Variants in CCDC57 observed in about 807,000 individuals in gnomAD.
CCDC57 encodes the protein coiled-coil domain containing 57.
Under a neutral mutation model 118.9 loss-of-function variants are expected in CCDC57, and 118 were observed. The ratio of observed to expected loss-of-function variants is 0.99; its 90% confidence interval spans 0.86 to 1.16. The LOEUF (loss-of-function observed/expected upper bound fraction) is 1.16. Ranked by LOEUF, CCDC57 falls within the 50% of genes most tolerant of loss-of-function variation. The pLI is 0.00. For synonymous variants in CCDC57, 527 were observed against 532.9 expected (o/e 0.99, Z 0.15); for missense variants, 1,300 against 1,320.7 (o/e 0.98, Z 0.24).
intron 8 of CCDC57, among the ~76,000 whole-genome samples, chr17:82,187,236 C>CAAAAAA (rs61100137): frequency 3.2e-5 from 2 of 62,990 alleles, no homozygotes; most frequent in African/African-American, 6.7e-5. Context: ...GACTCCATCT[C>CAAAAAA]AAAAAAAAAA....
intron 16 of CCDC57, among the ~76,000 whole-genome samples, chr17:82,146,856 C>T (rs2040813447): frequency 6.6e-6 from 1 of 152,200 alleles, no homozygotes; most frequent in African/African-American, 2.4e-5. Flanking sequence ...CAGTCTTGCA[C>T]ACAAACGCTT....
chr17:82,190,039 C>T (rs1158153104), intron 7 of CCDC57, among the ~76,000 whole-genome samples: 1 of 152,068 alleles, frequency 6.6e-6, no homozygotes, highest in Non-Finnish European at 1.5e-5. Context: ...TGATGAGACA[C>T]TAGTCATCTC....
exon 5 of CCDC57, chr17:82,195,295 T>C (rs753747724): frequency 4.4e-6 from 7 of 1,602,066 alleles, no homozygotes; most frequent in Non-Finnish European, 6.0e-6. Flanking sequence ...GTGTTGCTCA[T>C]GTTGTCAGCC....
At chr17:82,149,996 C>T (rs1263949551) in intron 16 of CCDC57, among the ~76,000 whole-genome samples, 1 of 149,362 alleles carries the variant, frequency 6.7e-6, no homozygotes, top group Non-Finnish European at 1.5e-5. Context: ...ACCAGGCGCA[C>T]ACCCAGAACC....
At chr17:82,143,081 G>T (rs1238858585) in intron 16 of CCDC57, among the ~76,000 whole-genome samples, 1 of 151,878 alleles carries the variant, frequency 6.6e-6, no homozygotes, top group Non-Finnish European at 1.5e-5. Context: ...AGAATTGCTT[G>T]ATCCCATGAG....
At chr17:82,173,256 T>G (rs2045009882) in intron 11 of CCDC57, among the ~76,000 whole-genome samples, 1 of 152,142 alleles carries the variant, frequency 6.6e-6, no homozygotes, top group African/African-American at 2.4e-5. Context: ...GCTGCTGAAC[T>G]GTGTGCACCA....
intron 19 of CCDC57, among the ~76,000 whole-genome samples, chr17:82,115,682 G>A (rs974524486): frequency 1.3e-5 from 2 of 151,892 alleles, no homozygotes; most frequent in African/African-American, 4.8e-5. Flanking sequence ...GGATGAGGCA[G>A]GAGAATCACT....
intron 13 of CCDC57, among the ~76,000 whole-genome samples, chr17:82,168,337 G>A (rs924571196): frequency 1.3e-5 from 2 of 152,202 alleles, no homozygotes; most frequent in South Asian, 4.1e-4. Flanking sequence ...GCTCACGCCT[G>A]TAATTCCAGC....
chr17:82,137,088 G>A (rs962426591), intron 16 of CCDC57, among the ~76,000 whole-genome samples: 7 of 145,558 alleles, frequency 4.8e-5, no homozygotes, highest in Middle Eastern at 3.5e-3. Flanking sequence ...TGTGATGTTG[G>A]CTCACTGCAA....
intron 19 of CCDC57, among the ~76,000 whole-genome samples, chr17:82,104,497 C>T (rs555137726): frequency 3.9e-5 from 6 of 152,248 alleles, no homozygotes; most frequent in South Asian, 4.2e-4. Context: ...GGCTGGGCTC[C>T]GTCCCCTCAG....
intron 19 of CCDC57, chr17:82,126,209 G>A: frequency 4.4e-6 from 1 of 228,596 alleles, no homozygotes; most frequent in Non-Finnish European, 7.3e-6. Flanking sequence ...GAACCCGGGA[G>A]GAGGAGCTTG....
At chr17:82,171,422 C>G (rs1344306039) in intron 13 of CCDC57, among the ~76,000 whole-genome samples, 1 of 139,974 alleles carries the variant, frequency 7.1e-6, no homozygotes, top group East Asian at 2.1e-4. Flanking sequence ...TCCATTCACA[C>G]CAAAACAGGG....
rs532423857 is a variant in CCDC57, at chr17:82,196,706, C to T, written c.517-1342G>A. Among the ~76,000 whole-genome samples, 6 of 151,838 alleles carry T rather than the reference C, an allele frequency of 4.0e-5. No individual in the cohort carries two copies. The South Asian group carries it at 1.3e-3, about 32-fold the overall frequency. On this transcript the variant is annotated intron_variant, in intron 4 of 19. Coordinates refer to ENST00000665763, the Ensembl canonical transcript of CCDC57. ...AGCTTCTAGTAACACTTACACCTAC[C>T]TGCATAGACAGAGCCATTTATTACA...
At chr17:82,163,260 G>A in exon 14 of CCDC57, 1 of 1,614,066 alleles carries the variant, frequency 6.2e-7, no homozygotes, top group South Asian at 1.1e-5. Flanking sequence ...CGAGCTTCCT[G>A]AGTGCCAGTC....
At chr17:82,183,858 G>A (rs748672072) in exon 9 of CCDC57, 12 of 1,613,150 alleles carry the variant, frequency 7.4e-6, no homozygotes, top group Non-Finnish European at 9.3e-6. Flanking sequence ...AAGGTCTCTG[G>A]AGACCATCTC....
intron 2 of CCDC57, among the ~76,000 whole-genome samples, chr17:82,203,901 C>T (rs1438432927): frequency 2.0e-5 from 3 of 152,176 alleles, no homozygotes; most frequent in East Asian, 1.9e-4. Flanking sequence ...CTCTGCATCT[C>T]GGGGCACAGC....
At chr17:82,164,930 G>A (rs918405304) in intron 13 of CCDC57, among the ~76,000 whole-genome samples, 9 of 152,176 alleles carry the variant, frequency 5.9e-5, no homozygotes, top group Admixed American at 2.0e-4. Context: ...TGAGGCCAGC[G>A]TAACTCTGAT....
chr17:82,126,840 G>T, intron 19 of CCDC57: 1 of 985,410 alleles, frequency 1.0e-6, no homozygotes, highest in Non-Finnish European at 1.2e-6. Flanking sequence ...GCATGAAGGA[G>T]AGAATGATTA....
intron 14 of CCDC57, among the ~76,000 whole-genome samples, chr17:82,158,616 A>C (rs1207811067): frequency 7.0e-6 from 1 of 143,402 alleles, no homozygotes; most frequent in Admixed American, 7.3e-5. Flanking sequence ...TGAACCCGGG[A>C]GGTGGAGCTT....
Sources: gnomAD v4.1 joint callset for allele counts (sites outside exome capture counted in the v4.1 genomes callset) on GRCh38, gnomAD v4.1.1 for gene constraint, MANE v1.5 for transcripts, NCBI Gene and HGNC (gene_info 2026-07-23, HGNC 2026-07-21) for gene names.